PCDHGA3: variants seen among roughly 807,000 people sequenced by gnomAD.
PCDHGA3 encodes protocadherin gamma subfamily A, 3, also known as protocadherin gamma-A3.
A neutral mutation model predicts 58.5 loss-of-function variants in PCDHGA3; 40 were observed. The ratio of observed to expected loss-of-function variants is 0.68; its 90% CI spans 0.53 to 0.89. PCDHGA3 has a LOEUF of 0.89. Among genes scored for constraint, PCDHGA3 ranks in the 40% least tolerant of loss-of-function variants. PCDHGA3 has a pLI of 0.00. For missense variants in PCDHGA3, 1,223 were observed against 1,195.9 expected, an observed-to-expected ratio of 1.02 and a Z score of -0.33; for synonymous variants, 530 against 525.7, an observed-to-expected ratio of 1.01 and a Z score of -0.11.
At position 141,501,290 on chromosome 5, in the gene PCDHGA3, TACACACACACAC is replaced by T. The variant is rs55762287; in HGVS notation, c.2484-4070_2484-4059del. Among the ~76,000 whole-genome samples, 15 of 136,248 alleles carry T rather than the reference TACACACACACAC, an allele frequency of 1.1e-4. No homozygotes were observed. The South Asian group carries it at 1.2e-3, about 11-fold the overall frequency. The allele number at this position is 136,248 out of a possible 152,430, so 89.4% of individuals were successfully genotyped here. A position where few individuals can be genotyped will look rare whatever the true frequency, so the allele number is the denominator to read the frequency against. ...GTCCAGTCTATGGGATATTCCCTTA[TACACACACACAC>T]ACACACACACACACACACACACACA... On this transcript the variant is annotated intron_variant, in intron 2 of 3. Transcript: ENST00000253812.
chr5:141,361,227 A>G, intron 1 of PCDHGA3: 2 of 1,614,022 alleles, frequency 1.2e-6, no homozygotes, highest in South Asian at 2.2e-5. Flanking sequence ...CACCAGGAAC[A>G]GTGATCGCCT....
chr5:141,395,538 TTGTTTGTGTG>T, intron 1 of PCDHGA3: 1 of 225,786 alleles, frequency 4.4e-6, no homozygotes, highest in Non-Finnish European at 7.1e-6. Context: ...AATTTTGCTA[TTGTTTGTGTG>T]TGTGTGTGTG....
intron 1 of PCDHGA3, chr5:141,383,361 A>C: frequency 6.2e-7 from 1 of 1,614,022 alleles, no homozygotes; most frequent in Non-Finnish European, 8.5e-7. Flanking sequence ...GGTTTCCGTT[A>C]AGCGAGGCTG....
intron 1 of PCDHGA3, chr5:141,383,294 G>C: frequency 6.2e-7 from 1 of 1,613,938 alleles, no homozygotes; most frequent in Non-Finnish European, 8.5e-7. Flanking sequence ...AACGTTCCAA[G>C]ATTCTTGACG....
At position 141,345,486 on chromosome 5, in the gene PCDHGA3, G is replaced by T. The variant is rs773154186; in HGVS notation, c.1453G>T (p.Ala485Ser). The change falls in exon 1 of 4, where the codon GCC becomes TCC. Residue 485 changes from alanine to serine, a missense_variant. Coordinates refer to ENST00000253812, the MANE Select transcript of PCDHGA3 (RefSeq NM_018916.4). ...TAQDPDSNNNARITYALTEDT... is the reference protein window; with the variant it reads ...TAQDPDSNNNSRITYALTEDT... ...CCAGGACCCAGATAGCAACAACAACGCCCGCATCACTTATGCATTGACCGA... is the reference window on the plus strand; with the variant it reads ...CCAGGACCCAGATAGCAACAACAACTCCCGCATCACTTATGCATTGACCGA... The T allele has an allele frequency of 1.2e-6, 2 of 1,613,890 alleles. No homozygotes were observed. Among genetic ancestry groups the T allele is most frequent in the African/African-American group, 2.7e-5 (2 of 74,874 alleles).
At chr5:141,355,454 T>G in intron 1 of PCDHGA3, 3 of 1,614,066 alleles carry the variant, frequency 1.9e-6, no homozygotes, top group Middle Eastern at 1.6e-4. Flanking sequence ...GGCACCTTGG[T>G]CACCGCGGGT....
intron 1 of PCDHGA3, chr5:141,413,755 A>G: frequency 1.2e-6 from 2 of 1,612,936 alleles, no homozygotes; most frequent in Non-Finnish European, 1.7e-6. Context: ...CAATGGCGTC[A>G]AGTACCCGGA....
chr5:141,374,977 T>C, intron 1 of PCDHGA3: 2 of 1,614,020 alleles, frequency 1.2e-6, no homozygotes, highest in Non-Finnish European at 1.7e-6. Flanking sequence ...ATGTTTTGAC[T>C]GGAGAAATTT....
rs2091965953 is a variant in PCDHGA3 at position 141,389,909 on chromosome 5, C to T, written c.2424+43452C>T. ...AGGAGGTGCTGCCGGATATCACTGA[C>T]CGCCCCGACCCCTCTGACCTCCAGG... On this transcript the variant is annotated intron_variant, in intron 1 of 3. Transcript: ENST00000253812. 1.9e-6 allele frequency: 3 copies of T among 1,614,068 alleles called. No homozygotes were observed. In the South Asian group the frequency reaches 3.3e-5, roughly 18 times the overall value.
chr5:141,502,457 A>G lies in PCDHGA3; in HGVS notation c.2484-2936A>G, dbSNP rs950959171. 6.6e-5 allele frequency among the ~76,000 whole-genome samples: 10 copies of G among 151,926 alleles called. No individual in the cohort carries two copies. The South Asian group carries it at 1.7e-3, about 25-fold the overall frequency. On this transcript the variant is annotated intron_variant, in intron 2 of 3. Coordinates refer to ENST00000253812, the MANE Select transcript of PCDHGA3 (RefSeq NM_018916.4). The stretch of plus-strand genomic sequence containing the variant: ...TTAGATTCAGATTACACACCTTGGT[A>G]GGAATACTTCCCGCAGCATCACACT...
At chr5:141,375,298 G>A in intron 1 of PCDHGA3, 3 of 1,613,794 alleles carry the variant, frequency 1.9e-6, no homozygotes, top group Non-Finnish European at 1.7e-6. Flanking sequence ...ATCGATTAGT[G>A]ACAAATGCAG....
At chr5:141,447,182 C>G (rs1205769161) in intron 1 of PCDHGA3, among the ~76,000 whole-genome samples, 1 of 152,126 alleles carries the variant, frequency 6.6e-6, no homozygotes, top group Non-Finnish European at 1.5e-5. Flanking sequence ...TCTTGTCGCG[C>G]AGGCTGGAGT....
Position 141,345,153 on chromosome 5 carries a change from C to A in PCDHGA3, c.1120C>A (p.Arg374=), listed in dbSNP as rs775928851. The part of the protein sequence containing the change: ...REIALIDVHD[R]DSGQNGQVEV... The stretch of plus-strand genomic sequence containing the variant: ...AATTGCTCTTATCGACGTGCATGAC[C>A]GAGATTCTGGGCAGAATGGGCAGGT... Residue 374 remains arginine, a synonymous_variant, in exon 1 of 4, where the codon CGA becomes AGA. Coordinates refer to ENST00000253812, the MANE Select transcript of PCDHGA3 (RefSeq NM_018916.4). The A allele has an allele frequency of 6.2e-7, 1 of 1,613,942 alleles. No homozygotes were observed. The highest frequency in any genetic ancestry group is 8.5e-7 in the Non-Finnish European group (1 of 1,179,880).
intron 1 of PCDHGA3, among the ~76,000 whole-genome samples, chr5:141,347,295 A>G (rs1045805514): frequency 2.0e-5 from 3 of 151,892 alleles, no homozygotes; most frequent in African/African-American, 7.3e-5. Flanking sequence ...CTGGGACTAC[A>G]GGCACGAGCC....
At chr5:141,409,942 C>T (rs1168442761) in intron 1 of PCDHGA3, 4 of 1,613,284 alleles carry the variant, frequency 2.5e-6, no homozygotes, top group South Asian at 1.1e-5. Flanking sequence ...TGGTACCTCG[C>T]TCTGCAGAGC....
chr5:141,356,783 T>C, intron 1 of PCDHGA3: 1 of 1,613,990 alleles, frequency 6.2e-7, no homozygotes, highest in Non-Finnish European at 8.5e-7. Context: ...TTTAGAGACC[T>C]GCAGCTGCTG....
rs746088761 is a variant in PCDHGA3 at position 141,404,246 on chromosome 5, CT to C, written c.2424+57790del. 9.3e-6 allele frequency: 15 copies of C among 1,613,922 alleles called. 1 individual carries two copies. The highest frequency in any genetic ancestry group is 5.0e-5 in the Admixed American group (3 of 60,012). Reference sequence around the variant, plus strand: ...TGCAACAGACAGAGGAACTCCGCCCCTGTCCACAGAAATTCACATCACCCTG... The same window carrying C: ...TGCAACAGACAGAGGAACTCCGCCCCGTCCACAGAAATTCACATCACCCTG... On this transcript the variant is annotated intron_variant, in intron 1 of 3. Coordinates refer to ENST00000253812, the MANE Select transcript of PCDHGA3 (RefSeq NM_018916.4).
rs1177814811 is a variant in PCDHGA3 at position 141,511,841 on chromosome 5, CTGTTT to C, written c.*675_*679del. The C allele has an allele frequency of 3.2e-5, 5 of 156,826 alleles. No homozygotes were observed. Among genetic ancestry groups the C allele is most frequent in the African/African-American group, 4.8e-5 (2 of 41,458 alleles). The allele number at this position is 156,826 out of a possible 1,614,324, so 9.7% of individuals were successfully genotyped here. ...TCCCAACGCCCTGGGGACCAGTCTT[CTGTTT>C]TGTTTTTCATTGTTTGACGTTTCCA... On this transcript the variant is annotated 3_prime_UTR_variant, in exon 4 of 4. Coordinates refer to ENST00000253812, the MANE Select transcript of PCDHGA3 (RefSeq NM_018916.4).
At chr5:141,442,754 T>C (rs2098341364) in intron 1 of PCDHGA3, among the ~76,000 whole-genome samples, 1 of 152,220 alleles carries the variant, frequency 6.6e-6, no homozygotes, top group Non-Finnish European at 1.5e-5. Flanking sequence ...GTTTTGATTA[T>C]ATATATTTGT....
Sources: gnomAD v4.1 joint callset for allele counts (sites outside exome capture counted in the v4.1 genomes callset) on GRCh38, gnomAD v4.1.1 for gene constraint, MANE v1.5 for transcripts, NCBI Gene and HGNC (gene_info 2026-07-23, HGNC 2026-07-21) for gene names.